Variants in KIAA0319 observed in about 807,000 individuals in gnomAD.
The protein encoded by KIAA0319 is dyslexia-associated protein KIAA0319.
In KIAA0319, 83 loss-of-function variants were observed where a neutral mutation model predicts 108.4. The observed-to-expected ratio is 0.77, with a 90% CI of 0.64 to 0.92. The LOEUF (loss-of-function observed/expected upper bound fraction) is 0.92. Among genes scored for constraint, KIAA0319 ranks in the 40% least tolerant of loss-of-function variants. The pLI is 0.00. For synonymous variants in KIAA0319, 484 were observed against 510.4 expected (o/e 0.95, Z 0.70); for missense variants, 1,195 against 1,322.4 (o/e 0.90, Z 1.49).
Position 24,547,192 on chromosome 6 carries a change from G to A in KIAA0319, c.3192C>T (p.Ser1064=), listed in dbSNP as rs776107002. Residue 1064 remains serine (S), a synonymous_variant, in exon 21 of 21, where the codon TCC becomes TCT. Coordinates refer to ENST00000378214, the MANE Select transcript of KIAA0319 (RefSeq NM_014809.4). ...SMNGSIRNGA[S]FSYCSKDR ...ATCTGTCCTTTGAGCAATAACTGAA[G>A]GAAGCTCCATTTCTGATGGAACCAT... 3 of 1,614,130 alleles carry A rather than the reference G, an allele frequency of 1.9e-6. No individual in the cohort carries two copies. Among genetic ancestry groups the A allele is most frequent in the Non-Finnish European group, 1.7e-6 (2 of 1,180,002 alleles).
chr6:24,602,162 G>A (rs574265426), intron 1 of KIAA0319, among the ~76,000 whole-genome samples: 18 of 151,984 alleles, frequency 1.2e-4, no homozygotes, highest in Non-Finnish European at 2.4e-4. Context: ...GATTACAGGC[G>A]CACACTACCA....
intron 1 of KIAA0319, among the ~76,000 whole-genome samples, chr6:24,639,604 C>T (rs903757171): frequency 1.3e-5 from 2 of 152,140 alleles, no homozygotes; most frequent in Admixed American, 1.3e-4. Flanking sequence ...AATCCTAACA[C>T]TTTGGGAGGC....
rs1760615908 is a variant in KIAA0319, at chr6:24,546,266, T to C, written c.*899A>G. The C allele has an allele frequency of 6.6e-6, 1 of 152,190 alleles. No individual in the cohort carries two copies. The highest frequency in any genetic ancestry group is 1.5e-5 in the Non-Finnish European group (1 of 68,036). 9.4% of individuals were successfully genotyped at this position (152,190 alleles called of 1,614,324 possible). On this transcript the variant is annotated 3_prime_UTR_variant, in exon 21 of 21. Coordinates refer to ENST00000378214, the MANE Select transcript of KIAA0319 (RefSeq NM_014809.4). ...TCAGAGTTTTGGAATATATACACAA[T>C]TGCTGAGTCGTTATCCCTATCTATG...
At chr6:24,636,813 T>TC (rs1562117204) in intron 1 of KIAA0319, among the ~76,000 whole-genome samples, 1 of 152,142 alleles carries the variant, frequency 6.6e-6, no homozygotes, top group Non-Finnish European at 1.5e-5. Context: ...CTTTTTTTTT[T>TC]CTCAGAGATT....
intron 1 of KIAA0319, among the ~76,000 whole-genome samples, chr6:24,608,930 C>CAAAA (rs57120652): frequency 0.017 from 500 of 30,104 alleles, 168 homozygotes; most frequent in East Asian, 0.11. Context: ...GACTCCGTCT[C>CAAAA]AAAAAAAAAA....
rs1464634029 is a variant in KIAA0319, at chr6:24,645,882, C to G, written c.-252G>C. 2 of 153,196 alleles carry G rather than the reference C, an allele frequency of 1.3e-5. No individual in the cohort carries two copies. Among genetic ancestry groups the G allele is most frequent in the African/African-American group, 2.4e-5 (1 of 41,108 alleles). 9.5% of individuals were successfully genotyped at this position (153,196 alleles called of 1,614,324 possible). ...ACACACACACACACACACACACACA[C>G]ACACACGTTCACACCCTCGCGCGCG... On this transcript the variant is annotated 5_prime_UTR_variant, in exon 1 of 21. Transcript: ENST00000378214.
intron 20 of KIAA0319, among the ~76,000 whole-genome samples, chr6:24,550,152 C>T (rs1002101073): frequency 6.6e-6 from 1 of 152,218 alleles, no homozygotes. Context: ...ACTCTCTGTA[C>T]ACGATCAGTC....
intron 20 of KIAA0319, 89 bp downstream of exon 20, chr6:24,551,345 T>G: frequency 1.2e-6 from 1 of 860,222 alleles, no homozygotes; most frequent in Admixed American, 1.9e-5. Flanking sequence ...CTCCAGCAAA[T>G]CGTTCTCCCT....
chr6:24,629,680 G>A lies in KIAA0319; in HGVS notation c.-106+16056C>T, dbSNP rs182754055. Among the ~76,000 whole-genome samples, 44 of 152,168 alleles carry A rather than the reference G, an allele frequency of 2.9e-4. 1 individual carries two copies. The highest frequency in any genetic ancestry group is 7.2e-4 in the African/African-American group (30 of 41,502). On this transcript the variant is annotated intron_variant, in intron 1 of 20. Coordinates refer to ENST00000378214, the MANE Select transcript of KIAA0319 (RefSeq NM_014809.4). Reference sequence around the variant, plus strand: ...AAATGAGTTATGAAACAAACCTTGTGACTGAAACGTTGCTGTCCCCGTGGC... The same window carrying A: ...AAATGAGTTATGAAACAAACCTTGTAACTGAAACGTTGCTGTCCCCGTGGC...
At chr6:24,641,915 T>C (rs1340729010) in intron 1 of KIAA0319, among the ~76,000 whole-genome samples, 1 of 151,178 alleles carries the variant, frequency 6.6e-6, no homozygotes, top group Admixed American at 6.6e-5. Flanking sequence ...GCCTGTAGTC[T>C]CAGTTACTCA....
intron 2 of KIAA0319, chr6:24,598,268 A>G (rs953776330): frequency 8.3e-5 from 52 of 629,910 alleles, no homozygotes; most frequent in Non-Finnish European, 1.4e-4. Context: ...CTTAAGCTGG[A>G]GGTGGACCCC....
At chr6:24,549,792 C>T (rs1761199568) in intron 20 of KIAA0319, among the ~76,000 whole-genome samples, 2 of 152,102 alleles carry the variant, frequency 1.3e-5, no homozygotes, top group Non-Finnish European at 2.9e-5. Flanking sequence ...ACGGGTGAAA[C>T]TGTAAGGACC....
intron 1 of KIAA0319, among the ~76,000 whole-genome samples, chr6:24,644,804 A>G (rs1360884659): frequency 2.0e-5 from 3 of 152,214 alleles, no homozygotes; most frequent in Non-Finnish European, 4.4e-5. Flanking sequence ...GGTTAATACA[A>G]ATAAATCAGA....
At chr6:24,560,600 C>T (rs1264898277) in intron 16 of KIAA0319, among the ~76,000 whole-genome samples, 1 of 152,234 alleles carries the variant, frequency 6.6e-6, no homozygotes, top group Admixed American at 6.5e-5. Flanking sequence ...TCTCACAGTT[C>T]TGGAGGCCAG....
intron 1 of KIAA0319, among the ~76,000 whole-genome samples, chr6:24,616,445 C>T (rs954359474): frequency 6.6e-6 from 1 of 152,216 alleles, no homozygotes; most frequent in Non-Finnish European, 1.5e-5. Context: ...GAAACCTCCG[C>T]CTCCCGGGTT....
chr6:24,570,092 C>A, intron 11 of KIAA0319, 57 bp from the exon 12 acceptor site: 1 of 1,539,634 alleles, frequency 6.5e-7, no homozygotes, highest in Non-Finnish European at 8.9e-7. Context: ...AGTCTGCAAT[C>A]CTGTGATTTC....
chr6:24,579,412 G>GATATAT lies in KIAA0319; in HGVS notation c.1372+440_1372+445dup, dbSNP rs3840133. On this transcript the variant is annotated intron_variant, in intron 8 of 20. Transcript: ENST00000378214. ...GGTCACGGGAGCTCCTCTATATAAA[G>GATATAT]ATATATATATATATATATATCTTAT... Among the ~76,000 whole-genome samples, 431 of 127,234 alleles carry GATATAT rather than the reference G, an allele frequency of 3.4e-3. 9 individuals carry two copies. Among genetic ancestry groups the GATATAT allele is most frequent in the African/African-American group, 9.0e-3 (282 of 31,444 alleles). 83.5% of individuals were successfully genotyped at this position (127,234 alleles called of 152,430 possible). A position where few individuals can be genotyped will look rare whatever the true frequency, so the allele number is the denominator to read the frequency against.
intron 16 of KIAA0319, 34 bp downstream of exon 16, chr6:24,563,325 G>A (rs771377926): frequency 5.1e-6 from 8 of 1,584,082 alleles, no homozygotes; most frequent in East Asian, 4.5e-5. Context: ...AATTTTGTAC[G>A]GCCAAGGCCC....
At chr6:24,644,137 T>G (rs115667681) in intron 1 of KIAA0319, among the ~76,000 whole-genome samples, 45 of 152,366 alleles carry the variant, frequency 3.0e-4, no homozygotes, top group Non-Finnish European at 5.4e-4. Context: ...GGGCTTCGGT[T>G]TCCTTCACAT....
Sources: allele counts gnomAD v4.1 joint callset (sites outside exome capture counted in the v4.1 genomes callset), GRCh38; gene constraint gnomAD v4.1.1; transcripts MANE v1.5; gene names NCBI Gene and HGNC (gene_info 2026-07-23, HGNC 2026-07-21).